The following KCNQ5 variants were observed in gnomAD, a reference collection of about 807,000 sequenced individuals.
The protein encoded by KCNQ5 is potassium voltage-gated channel subfamily KQT member 5.
A neutral mutation model predicts 98.2 loss-of-function variants in KCNQ5; 30 were observed. The ratio of observed to expected loss-of-function variants is 0.31; its 90% CI spans 0.23 to 0.41. The LOEUF is 0.41. Among genes scored for constraint, KCNQ5 ranks in the 10% least tolerant of loss-of-function variants. The pLI is 1.00. For missense variants in KCNQ5, 835 were observed against 1,182.5 expected (o/e 0.71, Z 4.31); for synonymous variants, 458 against 449.4 (o/e 1.02, Z -0.24).
chr6:72,692,521 T>C (rs1394616295), intron 1 of KCNQ5, among the ~76,000 whole-genome samples: 1 of 152,220 alleles, frequency 6.6e-6, no homozygotes, highest in Non-Finnish European at 1.5e-5. Flanking sequence ...GCTAGAGGAA[T>C]CAGTGGGTTT....
intron 10 of KCNQ5, among the ~76,000 whole-genome samples, chr6:73,158,308 G>C (rs1225705091): frequency 6.8e-6 from 1 of 146,096 alleles, no homozygotes; most frequent in African/African-American, 2.5e-5. Flanking sequence ...TCCCTCTGTC[G>C]CCAGGCTGGG....
intron 1 of KCNQ5, among the ~76,000 whole-genome samples, chr6:72,862,416 T>C (rs1204091926): frequency 6.6e-6 from 1 of 152,228 alleles, no homozygotes; most frequent in African/African-American, 2.4e-5. Context: ...CTCATTATGA[T>C]TCCCGTAGTG....
chr6:73,061,630 A>G (rs1772786583), intron 3 of KCNQ5, among the ~76,000 whole-genome samples: 1 of 152,156 alleles, frequency 6.6e-6, no homozygotes, highest in African/African-American at 2.4e-5. Flanking sequence ...ATAGAATGGC[A>G]TTTTTAACTC....
chr6:72,629,023 G>A (rs547670814), intron 1 of KCNQ5, among the ~76,000 whole-genome samples: 1 of 152,202 alleles, frequency 6.6e-6, no homozygotes, highest in Non-Finnish European at 1.5e-5. Context: ...AAAGGCAGGG[G>A]TTTCTGTCTT....
chr6:72,878,558 T>C (rs1340134264), intron 1 of KCNQ5, among the ~76,000 whole-genome samples: 1 of 152,188 alleles, frequency 6.6e-6, no homozygotes, highest in Non-Finnish European at 1.5e-5. Context: ...CAAGGAGTCC[T>C]GGCTGGGTAC....
At chr6:73,128,942 G>T (rs2150450508) in intron 9 of KCNQ5, among the ~76,000 whole-genome samples, 1 of 152,296 alleles carries the variant, frequency 6.6e-6, no homozygotes, top group Non-Finnish European at 1.5e-5. Context: ...CTGAAGCTGT[G>T]TGTGGCTCTT....
chr6:73,018,416 C>T (rs536930487), intron 2 of KCNQ5, among the ~76,000 whole-genome samples: 1 of 152,082 alleles, frequency 6.6e-6, no homozygotes, highest in East Asian at 1.9e-4. Flanking sequence ...GCTATGGAGA[C>T]CTCTAGGATA....
At chr6:73,193,385 T>A (rs1765669127) in intron 13 of KCNQ5, among the ~76,000 whole-genome samples, 1 of 150,800 alleles carries the variant, frequency 6.6e-6, no homozygotes, top group Non-Finnish European at 1.5e-5. Flanking sequence ...CCTAACACTT[T>A]TGGAGGCCGA....
chr6:73,070,427 T>G (rs1307994849), intron 3 of KCNQ5, among the ~76,000 whole-genome samples: 3 of 152,206 alleles, frequency 2.0e-5, no homozygotes, highest in Non-Finnish European at 4.4e-5. Flanking sequence ...TTAAAACTAA[T>G]GATTGTATAA....
chr6:72,707,804 C>A (rs1769164616), intron 1 of KCNQ5, among the ~76,000 whole-genome samples: 1 of 152,134 alleles, frequency 6.6e-6, no homozygotes, highest in South Asian at 2.1e-4. Flanking sequence ...ACCTCTAAAT[C>A]TTGGGTTTAA....
chr6:73,151,699 C>A (rs1777156456), intron 10 of KCNQ5, among the ~76,000 whole-genome samples: 1 of 152,218 alleles, frequency 6.6e-6, no homozygotes, highest in Non-Finnish European at 1.5e-5. Flanking sequence ...TGGAAACCTC[C>A]ATTCTCCTTT....
chr6:72,649,557 A>G (rs1328498220), intron 1 of KCNQ5, among the ~76,000 whole-genome samples: 1 of 152,158 alleles, frequency 6.6e-6, no homozygotes, highest in Non-Finnish European at 1.5e-5. Context: ...TACATACTCT[A>G]CTAACCACCA....
At chr6:72,747,676 G>A (rs1771471037) in intron 1 of KCNQ5, among the ~76,000 whole-genome samples, 1 of 152,092 alleles carries the variant, frequency 6.6e-6, no homozygotes, top group Non-Finnish European at 1.5e-5. Context: ...ATACATTCCT[G>A]TCCTCAATGA....
chr6:72,832,015 A>G (rs1033878334), intron 1 of KCNQ5, among the ~76,000 whole-genome samples: 6 of 152,188 alleles, frequency 3.9e-5, no homozygotes, highest in African/African-American at 1.2e-4. Flanking sequence ...GAATCAGAAC[A>G]TCAGGATGAA....
intron 3 of KCNQ5, among the ~76,000 whole-genome samples, chr6:73,063,068 C>T (rs545089873): frequency 6.6e-6 from 1 of 152,228 alleles, no homozygotes; most frequent in South Asian, 2.1e-4. Flanking sequence ...TATACTCTTC[C>T]ATATTTAGTT....
chr6:72,674,822 T>A (rs1221129719), intron 1 of KCNQ5, among the ~76,000 whole-genome samples: 2 of 152,066 alleles, frequency 1.3e-5, no homozygotes, highest in African/African-American at 4.8e-5. Context: ...TGGGAGTAAG[T>A]GTGGCAAATT....
chr6:72,774,269 C>T (rs1327754014), intron 1 of KCNQ5, among the ~76,000 whole-genome samples: 1 of 152,070 alleles, frequency 6.6e-6, no homozygotes, highest in Non-Finnish European at 1.5e-5. Context: ...TCCATGGTAG[C>T]ACAAAATAAG....
chr6:72,833,134 A>T (rs1776355607), intron 1 of KCNQ5, among the ~76,000 whole-genome samples: 1 of 152,204 alleles, frequency 6.6e-6, no homozygotes, highest in Non-Finnish European at 1.5e-5. Flanking sequence ...CATGTGAAAG[A>T]ATCTAAATAT....
intron 10 of KCNQ5, among the ~76,000 whole-genome samples, chr6:73,148,838 C>T (rs1777023998): frequency 6.7e-6 from 1 of 148,398 alleles, no homozygotes; most frequent in Admixed American, 6.8e-5. Flanking sequence ...TGCCCTTGCT[C>T]TCTTAGGACT....
Sources: allele counts gnomAD v4.1 joint callset (sites outside exome capture counted in the v4.1 genomes callset), GRCh38; gene constraint gnomAD v4.1.1; transcripts MANE v1.5; gene names NCBI Gene and HGNC (gene_info 2026-07-23, HGNC 2026-07-21).